Variants in TLE4 observed in about 807,000 individuals in gnomAD.
TLE4 encodes transducin-like enhancer protein 4.
A neutral mutation model predicts 92.8 loss-of-function variants in TLE4; 8 were observed. The observed-to-expected ratio is 0.09, with a 90% CI of 0.05 to 0.16. The LOEUF is 0.16. Among genes scored for constraint, TLE4 ranks in the 10% least tolerant of loss-of-function variants. The pLI is 1.00. For missense variants in TLE4, 675 were observed against 997.6 expected, an observed-to-expected ratio of 0.68 and a Z score of 4.36; for synonymous variants, 371 against 374.1, an observed-to-expected ratio of 0.99 and a Z score of 0.10.
chr9:79,651,810 A>G (rs939054957), intron 6 of TLE4, among the ~76,000 whole-genome samples: 1 of 152,108 alleles, frequency 6.6e-6, no homozygotes, highest in African/African-American at 2.4e-5. Flanking sequence ...CTCTCCCTGC[A>G]TGCTGTGCAG....
chr9:79,610,534 C>T (rs900849724), intron 4 of TLE4, among the ~76,000 whole-genome samples: 1 of 152,072 alleles, frequency 6.6e-6, no homozygotes, highest in Middle Eastern at 3.4e-3. Flanking sequence ...TATGAAATCA[C>T]ACACACACCC....
At chr9:79,606,187 G>GT (rs71364420) in intron 4 of TLE4, among the ~76,000 whole-genome samples, 474 of 28,702 alleles carry the variant, frequency 0.017, 198 homozygotes, top group Non-Finnish European at 0.022. Context: ...AGTAGTAGTT[G>GT]TTTTTTTTTT....
At chr9:79,659,772 A>G (rs2060271822) in intron 8 of TLE4, among the ~76,000 whole-genome samples, 1 of 152,198 alleles carries the variant, frequency 6.6e-6, no homozygotes, top group South Asian at 2.1e-4. Context: ...ATACCACCTA[A>G]TAAGGAAATA....
At chr9:79,662,226 T>A (rs1316833017) in intron 8 of TLE4, among the ~76,000 whole-genome samples, 1 of 152,206 alleles carries the variant, frequency 6.6e-6, no homozygotes, top group Non-Finnish European at 1.5e-5. Context: ...ATGGACTCAT[T>A]ATTTAATTGT....
At chr9:79,580,734 A>T (rs1172867965) in intron 4 of TLE4, among the ~76,000 whole-genome samples, 1 of 151,744 alleles carries the variant, frequency 6.6e-6, no homozygotes, top group Non-Finnish European at 1.5e-5. Context: ...TTTCAGAGAT[A>T]GGTATAATTG....
At chr9:79,663,275 T>C (rs2060839971) in intron 8 of TLE4, among the ~76,000 whole-genome samples, 2 of 152,210 alleles carry the variant, frequency 1.3e-5, no homozygotes, top group African/African-American at 4.8e-5. Flanking sequence ...ACATAGATAG[T>C]TGTCTGGTAA....
At chr9:79,586,449 A>C (rs1225204705) in intron 4 of TLE4, among the ~76,000 whole-genome samples, 1 of 152,150 alleles carries the variant, frequency 6.6e-6, no homozygotes, top group Non-Finnish European at 1.5e-5. Context: ...AAAGATGTGC[A>C]AAGGGACTAT....
chr9:79,574,377 C>T (rs1278315738), intron 2 of TLE4, among the ~76,000 whole-genome samples: 1 of 152,074 alleles, frequency 6.6e-6, no homozygotes, highest in Non-Finnish European at 1.5e-5. Context: ...ACACTTTGCC[C>T]CTGGGTGGTG....
chr9:79,708,239 T>C lies in TLE4; in HGVS notation c.1058T>C (p.Val353Ala). The C allele has an allele frequency of 1.2e-6, 2 of 1,613,882 alleles. No homozygotes were observed. Among genetic ancestry groups the C allele is most frequent in the South Asian group, 2.2e-5 (2 of 91,046 alleles). The change falls in exon 12 of 20, where the codon GTT (valine) becomes GCT (alanine). Residue 353 changes from valine to alanine, a missense_variant. Physicochemically the swap from Val to Ala is moderately conservative, Grantham distance 64. Coordinates refer to ENST00000376552, the MANE Select transcript of TLE4 (RefSeq NM_007005.6). ...LRPVPGKPPG[V>A]DPLASSLRTP... is the part of the protein sequence containing the mutation. Reference sequence around the variant, plus strand: ...CCTGTACCTGGAAAACCACCAGGAGTTGACCCTTTGGGTTAGTAAGAAAAA... The same window carrying C: ...CCTGTACCTGGAAAACCACCAGGAGCTGACCCTTTGGGTTAGTAAGAAAAA...
chr9:79,703,650 A>G (rs1001022937), intron 8 of TLE4, among the ~76,000 whole-genome samples: 1 of 152,240 alleles, frequency 6.6e-6, no homozygotes, highest in Non-Finnish European at 1.5e-5. Context: ...GAGGTGAAGC[A>G]TACAGGCTGA....
chr9:79,577,595 A>G (rs2038266545), intron 4 of TLE4, among the ~76,000 whole-genome samples: 2 of 152,230 alleles, frequency 1.3e-5, no homozygotes, highest in African/African-American at 2.4e-5. Context: ...CCTTACAGGA[A>G]TAAATTACAT....
At chr9:79,688,303 G>A (rs2066322645) in intron 8 of TLE4, among the ~76,000 whole-genome samples, 2 of 152,186 alleles carry the variant, frequency 1.3e-5, no homozygotes, top group South Asian at 2.1e-4. Context: ...CATAGTTTTT[G>A]TGACTGTTTC....
intron 8 of TLE4, among the ~76,000 whole-genome samples, chr9:79,654,410 A>G (rs184274764): frequency 6.6e-6 from 1 of 152,192 alleles, no homozygotes; most frequent in Admixed American, 6.5e-5. Flanking sequence ...AATTAAATAA[A>G]TTGGTTTGTA....
intron 19 of TLE4, 121 bp downstream of exon 19, chr9:79,723,156 A>G: frequency 2.2e-6 from 2 of 890,872 alleles, no homozygotes; most frequent in Non-Finnish European, 3.5e-6. Flanking sequence ...TGCACATTGT[A>G]CAGAGAAGGA....
At chr9:79,656,476 C>G (rs1386750382) in intron 8 of TLE4, among the ~76,000 whole-genome samples, 2 of 151,952 alleles carry the variant, frequency 1.3e-5, no homozygotes, top group African/African-American at 4.8e-5. Context: ...CTCTGGTACT[C>G]TAAATAATAA....
At chr9:79,669,898 C>T (rs1455906140) in intron 8 of TLE4, among the ~76,000 whole-genome samples, 1 of 152,002 alleles carries the variant, frequency 6.6e-6, no homozygotes, top group Non-Finnish European at 1.5e-5. Flanking sequence ...TGGCTGTGCT[C>T]CACTCAAAAA....
At chr9:79,697,562 G>A (rs2068602228) in intron 8 of TLE4, among the ~76,000 whole-genome samples, 1 of 152,000 alleles carries the variant, frequency 6.6e-6, no homozygotes, top group South Asian at 2.1e-4. Context: ...TGTCCCAGCA[G>A]CTCAGTTTGT....
intron 6 of TLE4, among the ~76,000 whole-genome samples, chr9:79,651,031 A>ATCTCTCTCTCTCTC (rs10580766): frequency 0.011 from 1,527 of 138,738 alleles, 19 homozygotes; most frequent in African/African-American, 0.016. Flanking sequence ...GGAATGATCG[A>ATCTCTCTCTCTCTC]TCTCTCTCTC....
chr9:79,702,172 A>C (rs149064431), intron 8 of TLE4, among the ~76,000 whole-genome samples: 69 of 152,342 alleles, frequency 4.5e-4, no homozygotes, highest in Admixed American at 1.6e-3. Flanking sequence ...TGTAGGATAC[A>C]AGGCCAGGAC....
Sources: allele counts gnomAD v4.1 joint callset (sites outside exome capture counted in the v4.1 genomes callset), GRCh38; gene constraint gnomAD v4.1.1; transcripts MANE v1.5; gene names NCBI Gene and HGNC (gene_info 2026-07-23, HGNC 2026-07-21).